Variants in ATP8A2 observed in about 807,000 individuals in gnomAD.
ATP8A2 encodes ATPase phospholipid transporting 8A2.
In ATP8A2, 100 loss-of-function variants were observed where a neutral mutation model predicts 165.6. The observed-to-expected ratio is 0.60, with a 90% CI of 0.51 to 0.71. The LOEUF (loss-of-function observed/expected upper bound fraction) is 0.71. ATP8A2 is among the 30% of genes least tolerant of loss of function. The pLI, the probability that ATP8A2 is intolerant of heterozygous loss-of-function variation, is 0.00. For synonymous variants in ATP8A2, 543 were observed against 548.8 expected (o/e 0.99, Z 0.15); for missense variants, 1,227 against 1,479.5 (o/e 0.83, Z 2.80).
intron 24 of ATP8A2, among the ~76,000 whole-genome samples, chr13:25,609,587 G>GGATTCAAATATATATATATATATTTGTA (rs1208923986): frequency 1.1e-4 from 4 of 35,894 alleles, no homozygotes; most frequent in Non-Finnish European, 2.8e-4. Flanking sequence ...ATATATTTGG[G>GGATTCAAATATATATATATATATTTGTA]TTCAAATATA....
At chr13:25,947,942 G>C (rs1955255832) in intron 33 of ATP8A2, among the ~76,000 whole-genome samples, 1 of 152,114 alleles carries the variant, frequency 6.6e-6, no homozygotes, top group Admixed American at 6.5e-5. Context: ...GCTTGCCACT[G>C]CCTGATGAGG....
chr13:25,475,386 G>A (rs1340804047), intron 2 of ATP8A2, among the ~76,000 whole-genome samples: 1 of 152,160 alleles, frequency 6.6e-6, no homozygotes, highest in Non-Finnish European at 1.5e-5. Flanking sequence ...GTTCCATAGT[G>A]TATATGTACA....
intron 24 of ATP8A2, among the ~76,000 whole-genome samples, chr13:25,683,655 C>T (rs2042540781): frequency 6.6e-6 from 1 of 151,176 alleles, no homozygotes; most frequent in African/African-American, 2.4e-5. Flanking sequence ...AGAGTTTCAA[C>T]AACAACAAGA....
intron 1 of ATP8A2, among the ~76,000 whole-genome samples, chr13:25,425,798 G>A (rs1045851263): frequency 2.0e-5 from 3 of 152,062 alleles, no homozygotes; most frequent in African/African-American, 7.2e-5. Flanking sequence ...GGATGGTCTC[G>A]ATCTCCTGAC....
chr13:26,001,910 C>T (rs1296742459), intron 35 of ATP8A2, among the ~76,000 whole-genome samples: 1 of 152,158 alleles, frequency 6.6e-6, no homozygotes, highest in Admixed American at 6.5e-5. Context: ...TTGTTACTTG[C>T]ATTTGGCCAT....
chr13:25,418,130 G>A (rs1294597616), intron 1 of ATP8A2, among the ~76,000 whole-genome samples: 1 of 152,110 alleles, frequency 6.6e-6, no homozygotes, highest in African/African-American at 2.4e-5. Context: ...TCTCCCATTA[G>A]CAATTAGGGA....
At chr13:25,465,748 C>CCTCTCT (rs1555274947) in intron 1 of ATP8A2, among the ~76,000 whole-genome samples, 6 of 4,346 alleles carry the variant, frequency 1.4e-3, no homozygotes, top group African/African-American at 2.2e-3. Flanking sequence ...TCCCTCCCTC[C>CCTCTCT]CTCTCTCTCT....
At chr13:25,909,247 T>C (rs1210453929) in intron 33 of ATP8A2, among the ~76,000 whole-genome samples, 1 of 152,162 alleles carries the variant, frequency 6.6e-6, no homozygotes, top group Non-Finnish European at 1.5e-5. Context: ...AGGTATTATA[T>C]ATCTCAAAAT....
intron 10 of ATP8A2, among the ~76,000 whole-genome samples, chr13:25,547,074 G>A (rs909114084): frequency 6.6e-6 from 1 of 152,090 alleles, no homozygotes; most frequent in Non-Finnish European, 1.5e-5. Flanking sequence ...AGGTTGCAGC[G>A]AGCCAAGATT....
At chr13:25,434,041 T>C (rs2034686306) in intron 1 of ATP8A2, among the ~76,000 whole-genome samples, 1 of 152,164 alleles carries the variant, frequency 6.6e-6, no homozygotes, top group African/African-American at 2.4e-5. Flanking sequence ...GTAATGGGTA[T>C]ACTAGAAACC....
At position 25,882,683 on chromosome 13, in the gene ATP8A2, T is replaced by C. The variant is rs142986392; in HGVS notation, c.3183+20275T>C. Reference sequence around the variant, plus strand: ...ATGCGGCATGCTGGGCAAAGACACTTGCTCACTTAACCATTGGAAGATGGC... The same window carrying C: ...ATGCGGCATGCTGGGCAAAGACACTCGCTCACTTAACCATTGGAAGATGGC... On this transcript the variant is annotated intron_variant, in intron 33 of 36. Transcript: ENST00000381655. Among the ~76,000 whole-genome samples, 240 of 152,340 alleles carry C rather than the reference T, an allele frequency of 1.6e-3. 1 individual carries two copies. The highest frequency in any genetic ancestry group is 5.2e-3 in the African/African-American group (216 of 41,590).
chr13:25,619,756 G>C lies in ATP8A2; in HGVS notation c.2211+30057G>C, dbSNP rs187483034. On this transcript the variant is annotated intron_variant, in intron 24 of 36. Transcript: ENST00000381655. ...TTATCTAGAACAGAGGTCAACAAAC[G>C]TTTTTCTGTAAAGGATCTGCTAGTG... Among the ~76,000 whole-genome samples, 3 of 152,314 alleles carry C rather than the reference G, an allele frequency of 2.0e-5. No homozygotes were observed. The East Asian group carries it at 5.8e-4, about 29-fold the overall frequency.
intron 1 of ATP8A2, among the ~76,000 whole-genome samples, chr13:25,378,711 T>G (rs1432185767): frequency 6.6e-6 from 1 of 152,180 alleles, no homozygotes; most frequent in Non-Finnish European, 1.5e-5. Context: ...CTCCACATAT[T>G]CCTCACTAGC....
chr13:25,528,049 C>G (rs1236806381), intron 2 of ATP8A2, among the ~76,000 whole-genome samples: 1 of 152,156 alleles, frequency 6.6e-6, no homozygotes, highest in African/African-American at 2.4e-5. Flanking sequence ...TGATTTTGTC[C>G]TCTAAGCCAT....
At chr13:25,883,351 G>A (rs549703920) in intron 33 of ATP8A2, among the ~76,000 whole-genome samples, 3 of 152,248 alleles carry the variant, frequency 2.0e-5, no homozygotes, top group South Asian at 2.1e-4. Context: ...CCCAGGAGGC[G>A]GAGGTTGCAC....
Position 25,570,849 on chromosome 13 carries a change from T to G in ATP8A2, c.1556T>G (p.Ile519Ser). The G allele has an allele frequency of 6.2e-7, 1 of 1,613,568 alleles. No homozygotes were observed. Among genetic ancestry groups the G allele is most frequent in the Non-Finnish European group, 8.5e-7 (1 of 1,179,616 alleles). The change falls in exon 17 of 37, where the codon ATC (isoleucine) becomes AGC (serine). Residue 519 changes from isoleucine to serine, a missense_variant. This residue lies in a region of ATP8A2 where 592 missense variants were observed against 785.6 expected (regional missense o/e 0.75). Transcript: ENST00000381655. The part of the protein sequence containing the change: ...TVVPEKDGDN[I>S]IYQASSPDEA... ...GTTCCTGAGAAGGATGGAGATAACA[T>G]CATCTACCAGGCCTCTTCCCCAGGT...
chr13:25,578,303 C>T lies in ATP8A2; in HGVS notation c.1783-512C>T, dbSNP rs138297433. Reference sequence around the variant, plus strand: ...TATCTGTGGGATCTGGTCCCCCAACCCTTCTTGTCAGTCATGGAAATAGTC... The same window carrying T: ...TATCTGTGGGATCTGGTCCCCCAACTCTTCTTGTCAGTCATGGAAATAGTC... On this transcript the variant is annotated intron_variant, in intron 20 of 36. Coordinates refer to ENST00000381655, the MANE Select transcript of ATP8A2 (RefSeq NM_016529.6). 1.5e-3 allele frequency among the ~76,000 whole-genome samples: 232 copies of T among 152,288 alleles called. 2 individuals carry two copies. The highest frequency in any genetic ancestry group is 5.2e-3 in the African/African-American group (218 of 41,550).
In ATP8A2 at chr13:25,389,396, A is replaced by C. The variant is rs116056060; in HGVS notation, c.76+17108A>C. Among the ~76,000 whole-genome samples, 112 of 152,314 alleles carry C rather than the reference A, an allele frequency of 7.4e-4. 1 individual carries two copies. The highest frequency in any genetic ancestry group is 2.3e-3 in the African/African-American group (97 of 41,558). ...CAGGCTGAAAAAAGGCAGCATCAGCACTGGCACAGTCCAAGCACTTTCTGG... is the reference window on the plus strand; with the variant it reads ...CAGGCTGAAAAAAGGCAGCATCAGCCCTGGCACAGTCCAAGCACTTTCTGG... On this transcript the variant is annotated intron_variant, in intron 1 of 36. Coordinates refer to ENST00000381655, the MANE Select transcript of ATP8A2 (RefSeq NM_016529.6).
At chr13:25,742,655 TTCTCTCTC>T (rs10564366) in intron 25 of ATP8A2, among the ~76,000 whole-genome samples, 4 of 144,908 alleles carry the variant, frequency 2.8e-5, no homozygotes, top group African/African-American at 1.0e-4. Context: ...CACTCCACTT[TTCTCTCTC>T]TCTCTCTCTC....
Sources: allele counts gnomAD v4.1 joint callset (sites outside exome capture counted in the v4.1 genomes callset), GRCh38; gene constraint gnomAD v4.1.1; regional missense constraint gnomAD v4.1.1; transcripts MANE v1.5; gene names NCBI Gene and HGNC (gene_info 2026-07-23, HGNC 2026-07-21).